The following CNBP variants were observed in gnomAD, a reference collection of about 807,000 sequenced individuals.
CNBP encodes cellular nucleic acid-binding protein.
CNBP carries 6 observed loss-of-function variants against 21.2 expected under a neutral mutation model. The ratio of observed to expected loss-of-function variants is 0.28; its 90% CI spans 0.16 to 0.56. CNBP has a LOEUF of 0.56. Ranked by LOEUF, CNBP falls within the 20% of genes least tolerant of loss-of-function variation. CNBP has a pLI of 0.93. For synonymous variants in CNBP, 61 were observed against 74.9 expected (o/e 0.81, Z 0.96); for missense variants, 112 against 233.1 (o/e 0.48, Z 3.38).
intron 1 of CNBP, 118 bp from the exon 2 acceptor site, chr3:129,171,889 T>A: frequency 8.8e-7 from 1 of 1,142,682 alleles, no homozygotes; most frequent in Non-Finnish European, 1.2e-6. Context: ...ATATATTGGT[T>A]AAAAAAATAG....
chr3:129,174,364 A>AAAAAAAAAAAAC (rs1937743300), intron 1 of CNBP, among the ~76,000 whole-genome samples: 1 of 148,104 alleles, frequency 6.8e-6, no homozygotes. Flanking sequence ...AAAAAAAAAA[A>AAAAAAAAAAAAC]AAAAAAAAAA....
chr3:129,167,928 A>T lies in CNBP; in HGVS notation c.*2525T>A, dbSNP rs192379625. Among the ~76,000 whole-genome samples, 1 of 152,372 alleles carries T rather than the reference A, an allele frequency of 6.6e-6. No individual in the cohort carries two copies. Among genetic ancestry groups the T allele is most frequent in the East Asian group, 1.9e-4 (1 of 5,192 alleles). ...ATTATAAGCTTATATTCATAAAGAA[A>T]TGGGTATGTTATTACCTCTTTTTCT... On this transcript the variant is annotated 3_prime_UTR_variant, in exon 5 of 5. Coordinates refer to ENST00000422453, the MANE Select transcript of CNBP (RefSeq NM_003418.5).
Position 129,171,468 on chromosome 3 carries a change from C to T in CNBP, c.195G>A (p.Lys65=). The T allele has an allele frequency of 1.9e-6, 3 of 1,614,084 alleles. No individual in the cohort carries two copies. The highest frequency in any genetic ancestry group is 2.5e-6 in the Non-Finnish European group (3 of 1,179,920). ...YRCGESGHLA[K]DCDLQEDACY... ...TACCATCCTCCTGAAGATCACAATCCTTGGCAAGATGACCAGACTCACCAC... is the reference window on the plus strand; with the variant it reads ...TACCATCCTCCTGAAGATCACAATCTTTGGCAAGATGACCAGACTCACCAC... The change falls in exon 3 of 5, where the codon AAG becomes AAA. Residue 65 remains lysine (K), a synonymous_variant. Coordinates refer to ENST00000422453, the MANE Select transcript of CNBP (RefSeq NM_003418.5).
intron 1 of CNBP, 62 bp downstream of exon 1, chr3:129,183,714 C>T (rs1938482462): frequency 6.5e-6 from 1 of 152,804 alleles, no homozygotes; most frequent in South Asian, 2.1e-4. Context: ...CCCTCTCTGT[C>T]CGCCACAGAC....
chr3:129,171,434 TTAAATACTTACCATCCTCC>T lies in CNBP; in HGVS notation c.210_217+11del. 6.2e-7 allele frequency: 1 copy of T among 1,611,536 alleles called. No homozygotes were observed. Among genetic ancestry groups the T allele is most frequent in the Non-Finnish European group, 8.5e-7 (1 of 1,177,572 alleles). On this transcript the variant is annotated splice_donor_variant and splice_donor_5th_base_variant and coding_sequence_variant and intron_variant, in exon 3 of 5. Transcript: ENST00000422453. LOFTEE classifies it high-confidence loss of function. The stretch of plus-strand genomic sequence containing the variant: ...TCTAGAGGGGTATGAAAAGGAAGTG[TTAAATACTTACCATCCTCC>T]TGAAGATCACAATCCTTGGCAAGAT...
Position 129,169,693 on chromosome 3 carries a change from T to A in CNBP, c.*760A>T. On this transcript the variant is annotated 3_prime_UTR_variant, in exon 5 of 5. Coordinates refer to ENST00000422453, the MANE Select transcript of CNBP (RefSeq NM_003418.5). ...ACTGATTACAGCAAATGAAACACAG[T>A]TGTCTAAGTGATATAGTATACAAAA... 4.7e-6 allele frequency: 1 copy of A among 213,682 alleles called. No homozygotes were observed. The highest frequency in any genetic ancestry group is 7.1e-5 in the East Asian group (1 of 14,086). 13.2% of individuals were successfully genotyped at this position (213,682 alleles called of 1,614,324 possible).
At chr3:129,176,099 T>C (rs541400041) in intron 1 of CNBP, among the ~76,000 whole-genome samples, 1 of 152,332 alleles carries the variant, frequency 6.6e-6, no homozygotes, top group East Asian at 1.9e-4. Flanking sequence ...ATGAACATTA[T>C]TTAGTTTAAA....
chr3:129,172,729 C>T (rs1372963037), intron 1 of CNBP, among the ~76,000 whole-genome samples: 7 of 151,300 alleles, frequency 4.6e-5, no homozygotes, highest in African/African-American at 1.5e-4. Flanking sequence ...CACACACACA[C>T]ACACTGGCAG....
At position 129,168,841 on chromosome 3, in the gene CNBP, G is replaced by C. The variant is rs1321262644; in HGVS notation, c.*1612C>G. Among the ~76,000 whole-genome samples, 1 of 150,794 alleles carries C rather than the reference G, an allele frequency of 6.6e-6. No homozygotes were observed. The highest frequency in any genetic ancestry group is 6.6e-5 in the Admixed American group (1 of 15,090). On this transcript the variant is annotated 3_prime_UTR_variant, in exon 5 of 5. Coordinates refer to ENST00000422453, the MANE Select transcript of CNBP (RefSeq NM_003418.5). ...GCCGGGCGCGGTGGCTCACGCCTGTGATCCCAGCACTTTGGGAGGCCAAGG... is the reference window on the plus strand; with the variant it reads ...GCCGGGCGCGGTGGCTCACGCCTGTCATCCCAGCACTTTGGGAGGCCAAGG...
intron 1 of CNBP, among the ~76,000 whole-genome samples, chr3:129,179,385 A>G (rs551173915): frequency 3.3e-5 from 5 of 152,252 alleles, no homozygotes; most frequent in Non-Finnish European, 7.4e-5. Flanking sequence ...CTCGGGAGCA[A>G]TTCTGTATTT....
intron 1 of CNBP, among the ~76,000 whole-genome samples, chr3:129,180,656 C>G (rs1938225574): frequency 6.6e-6 from 1 of 152,126 alleles, no homozygotes; most frequent in African/African-American, 2.4e-5. Context: ...TTAAGTGAGA[C>G]AGTAAGGAAA....
intron 1 of CNBP, among the ~76,000 whole-genome samples, chr3:129,172,879 G>A (rs563229717): frequency 1.3e-5 from 2 of 152,138 alleles, no homozygotes; most frequent in African/African-American, 4.8e-5. Flanking sequence ...AACCAATGAA[G>A]CTGTAAAATG....
intron 1 of CNBP, among the ~76,000 whole-genome samples, chr3:129,174,248 G>T (rs1345410564): frequency 6.9e-6 from 1 of 144,416 alleles, no homozygotes; most frequent in Admixed American, 7.2e-5. Flanking sequence ...TACAGAATTT[G>T]AAATAGTATC....
chr3:129,177,612 C>T (rs1938002165), intron 1 of CNBP, among the ~76,000 whole-genome samples: 1 of 152,154 alleles, frequency 6.6e-6, no homozygotes, highest in Admixed American at 6.5e-5. Flanking sequence ...TATTACATAG[C>T]AGGTTTAGAG....
chr3:129,180,706 A>T (rs1270333113), intron 1 of CNBP, among the ~76,000 whole-genome samples: 1 of 152,130 alleles, frequency 6.6e-6, no homozygotes, highest in Non-Finnish European at 1.5e-5. Context: ...CCTTGGCATC[A>T]TTCTTCTGGC....
chr3:129,173,775 G>A (rs935506086), intron 1 of CNBP, among the ~76,000 whole-genome samples: 8 of 152,080 alleles, frequency 5.3e-5, no homozygotes, highest in Non-Finnish European at 8.8e-5. Context: ...ACACAAAGTC[G>A]TATTTTAAAT....
chr3:129,182,584 G>A (rs1325897948), intron 1 of CNBP, among the ~76,000 whole-genome samples: 1 of 152,172 alleles, frequency 6.6e-6, no homozygotes, highest in East Asian at 1.9e-4. Flanking sequence ...AGATGGAGGG[G>A]AGCTAGTTGA....
rs773230325 is a variant in CNBP, at chr3:129,174,200, GAACA to G, written c.-14-2433_-14-2430del. On this transcript the variant is annotated intron_variant, in intron 1 of 4. Coordinates refer to ENST00000422453, the MANE Select transcript of CNBP (RefSeq NM_003418.5). ...CAGATATACAAAACATTTCTAGTCA[GAACA>G]AACAGCCAGTGAAGGATATTAAAAA... Among the ~76,000 whole-genome samples, 27 of 152,070 alleles carry G rather than the reference GAACA, an allele frequency of 1.8e-4. 3 individuals carry two copies. The highest frequency in any genetic ancestry group is 5.9e-4 in the Admixed American group (9 of 15,244).
In CNBP at chr3:129,168,819, G is replaced by T. The variant is rs531828845; in HGVS notation, c.*1634C>A. 4.6e-5 allele frequency among the ~76,000 whole-genome samples: 7 copies of T among 151,936 alleles called. No homozygotes were observed. In the East Asian group the frequency reaches 1.4e-3, roughly 29 times the overall value. On this transcript the variant is annotated 3_prime_UTR_variant, in exon 5 of 5. Transcript: ENST00000422453. ...CTACTAAAAATACAAAAAATAGGCC[G>T]GGCGCGGTGGCTCACGCCTGTGATC...
Sources: allele counts gnomAD v4.1 joint callset (sites outside exome capture counted in the v4.1 genomes callset), GRCh38; gene constraint gnomAD v4.1.1; transcripts MANE v1.5; gene names NCBI Gene and HGNC (gene_info 2026-07-23, HGNC 2026-07-21).